EPHB1: variants seen among roughly 807,000 people sequenced by gnomAD.
EPHB1 encodes EPH receptor B1, also known as ephrin type-B receptor 1.
In EPHB1, 30 loss-of-function variants were observed where a neutral mutation model predicts 94.4. The ratio of observed to expected loss-of-function variants is 0.32; its 90% confidence interval spans 0.24 to 0.43. The LOEUF is 0.43. Among genes scored for constraint, EPHB1 ranks in the 20% least tolerant of loss-of-function variants. EPHB1 has a pLI of 1.00. For missense variants in EPHB1, 1,055 were observed against 1,308.3 expected, an observed-to-expected ratio of 0.81 and a Z score of 2.99; for synonymous variants, 522 against 489.1, an observed-to-expected ratio of 1.07 and a Z score of -0.89.
chr3:134,976,928 G>A (rs1934215150), intron 3 of EPHB1, among the ~76,000 whole-genome samples: 1 of 152,138 alleles, frequency 6.6e-6, no homozygotes, highest in South Asian at 2.1e-4. Context: ...GTGCTAGAGG[G>A]CATTCATTTC....
At chr3:134,982,396 G>C (rs2107733966) in intron 3 of EPHB1, among the ~76,000 whole-genome samples, 1 of 152,280 alleles carries the variant, frequency 6.6e-6, no homozygotes, top group Non-Finnish European at 1.5e-5. Context: ...GAGGAGAGAG[G>C]AGCTGATTCT....
At chr3:134,888,224 G>T (rs1220471875) in intron 1 of EPHB1, among the ~76,000 whole-genome samples, 1 of 152,166 alleles carries the variant, frequency 6.6e-6, no homozygotes, top group Non-Finnish European at 1.5e-5. Context: ...GACTGAGTCG[G>T]ACTTGGGGAA....
chr3:134,857,813 C>T (rs2037155980), intron 1 of EPHB1, among the ~76,000 whole-genome samples: 1 of 152,144 alleles, frequency 6.6e-6, no homozygotes, highest in Non-Finnish European at 1.5e-5. Flanking sequence ...TGTGAAACTC[C>T]ATGCAGGTGG....
Position 134,923,130 on chromosome 3 carries a change from G to A in EPHB1, c.59-2686G>A, listed in dbSNP as rs375124000. 2.2e-4 allele frequency among the ~76,000 whole-genome samples: 33 copies of A among 152,262 alleles called. No homozygotes were observed. In the East Asian group the frequency reaches 5.8e-3, roughly 27 times the overall value. ...CCCAGCTGTCAGAAGAATTGGAGACGAAAACAAACTTAAGAAGCCTGCTCC... is the reference window on the plus strand; with the variant it reads ...CCCAGCTGTCAGAAGAATTGGAGACAAAAACAAACTTAAGAAGCCTGCTCC... On this transcript the variant is annotated intron_variant, in intron 1 of 15. Coordinates refer to ENST00000398015, the MANE Select transcript of EPHB1 (RefSeq NM_004441.5).
intron 12 of EPHB1, among the ~76,000 whole-genome samples, chr3:135,216,954 G>A (rs1425187323): frequency 6.6e-6 from 1 of 152,200 alleles, no homozygotes; most frequent in Non-Finnish European, 1.5e-5. Context: ...AAAGAAGGCA[G>A]TTCGGTGTGC....
chr3:135,102,691 T>G (rs1206813712), intron 3 of EPHB1, among the ~76,000 whole-genome samples: 1 of 152,116 alleles, frequency 6.6e-6, no homozygotes. Context: ...ATGTTTATTG[T>G]AGCACTATTT....
chr3:135,019,588 A>G (rs185411713), intron 3 of EPHB1, among the ~76,000 whole-genome samples: 1 of 152,354 alleles, frequency 6.6e-6, no homozygotes, highest in Admixed American at 6.5e-5. Flanking sequence ...AATAATTTCT[A>G]CCAGCCCTTT....
At chr3:135,256,134 C>G (rs1245799458) in intron 15 of EPHB1, among the ~76,000 whole-genome samples, 4 of 152,138 alleles carry the variant, frequency 2.6e-5, no homozygotes, top group Non-Finnish European at 4.4e-5. Context: ...GATGGGTTTC[C>G]TGAATACAGC....
At chr3:135,095,937 C>T (rs1328622513) in intron 3 of EPHB1, among the ~76,000 whole-genome samples, 1 of 152,200 alleles carries the variant, frequency 6.6e-6, no homozygotes, top group South Asian at 2.1e-4. Flanking sequence ...TGTGGCCCTT[C>T]TATGCCACCT....
intron 5 of EPHB1, among the ~76,000 whole-genome samples, chr3:135,133,577 A>G (rs1940503461): frequency 6.6e-6 from 1 of 152,210 alleles, no homozygotes; most frequent in Non-Finnish European, 1.5e-5. Flanking sequence ...TAAAATCAAT[A>G]TTACCTTCAT....
intron 2 of EPHB1, among the ~76,000 whole-genome samples, chr3:134,937,802 C>G (rs998679075): frequency 6.6e-6 from 1 of 152,204 alleles, no homozygotes; most frequent in Non-Finnish European, 1.5e-5. Context: ...GCAGTGAGAG[C>G]CACATTCAAT....
chr3:135,177,510 C>G (rs1942016196), intron 9 of EPHB1, among the ~76,000 whole-genome samples: 2 of 152,170 alleles, frequency 1.3e-5, no homozygotes, highest in African/African-American at 4.8e-5. Context: ...TCCCTTGACC[C>G]CAGAGTGGGA....
At chr3:135,094,181 A>G (rs1169077234) in intron 3 of EPHB1, among the ~76,000 whole-genome samples, 1 of 152,222 alleles carries the variant, frequency 6.6e-6, no homozygotes, top group Non-Finnish European at 1.5e-5. Flanking sequence ...AGGGCAGGCC[A>G]GCACACAGCG....
At chr3:135,222,723 G>T (rs1943300699) in intron 12 of EPHB1, among the ~76,000 whole-genome samples, 2 of 152,178 alleles carry the variant, frequency 1.3e-5, no homozygotes, top group Admixed American at 6.5e-5. Context: ...TTTTAATTTG[G>T]ATGAAACTGA....
At chr3:135,197,539 A>G (rs958115369) in intron 11 of EPHB1, among the ~76,000 whole-genome samples, 3 of 152,236 alleles carry the variant, frequency 2.0e-5, no homozygotes, top group African/African-American at 4.8e-5. Flanking sequence ...GAAAAAATCT[A>G]TGATTCATTT....
chr3:134,818,613 G>A (rs2018483), intron 1 of EPHB1, among the ~76,000 whole-genome samples: 137,414 of 152,286 alleles, frequency 0.9, 62,156 homozygotes, highest in East Asian at 1. Flanking sequence ...TAGCTCCCAC[G>A]TATCAGTTTC....
chr3:135,032,299 G>T (rs1178390495), intron 3 of EPHB1, among the ~76,000 whole-genome samples: 3 of 142,088 alleles, frequency 2.1e-5, no homozygotes. Context: ...CTTTTTTTAG[G>T]TCATTTCTCC....
rs189246261 is a variant in EPHB1 at position 135,256,669 on chromosome 3, A to T, written c.2847-2343A>T. Among the ~76,000 whole-genome samples, 3 of 152,088 alleles carry T rather than the reference A, an allele frequency of 2.0e-5. No homozygotes were observed. In the East Asian group the frequency reaches 5.8e-4, roughly 29 times the overall value. ...CCTTAACATTTTTTCCTGCATTTCA[A>T]CTTTGGTGAATCTGACAATTATGTC... On this transcript the variant is annotated intron_variant, in intron 15 of 15. Coordinates refer to ENST00000398015, the MANE Select transcript of EPHB1 (RefSeq NM_004441.5).
chr3:134,942,878 A>G (rs766609736), intron 2 of EPHB1, among the ~76,000 whole-genome samples: 19 of 152,224 alleles, frequency 1.2e-4, no homozygotes, highest in Non-Finnish European at 2.4e-4. Flanking sequence ...GAAGGAGCTC[A>G]CAGCCTGGTA....
Sources: allele counts gnomAD v4.1 joint callset (sites outside exome capture counted in the v4.1 genomes callset), GRCh38; gene constraint gnomAD v4.1.1; transcripts MANE v1.5; gene names NCBI Gene and HGNC (gene_info 2026-07-23, HGNC 2026-07-21).